ARHGAP35: variants seen among roughly 807,000 people sequenced by gnomAD.
ARHGAP35 encodes the protein Rho GTPase activating protein 35.
Under a neutral mutation model 111.1 loss-of-function variants are expected in ARHGAP35, and 15 were observed. The observed-to-expected ratio is 0.13, with a 90% CI of 0.09 to 0.21. ARHGAP35 has a LOEUF of 0.21. Among genes scored for constraint, ARHGAP35 ranks in the 10% least tolerant of loss-of-function variants. The pLI is 1.00. For missense variants in ARHGAP35, 1,262 were observed against 1,873.0 expected (o/e 0.67, Z 6.02); for synonymous variants, 643 against 710.3 (o/e 0.91, Z 1.51).
At chr19:46,903,066 A>G (rs2056089591) in intron 1 of ARHGAP35, among the ~76,000 whole-genome samples, 1 of 152,192 alleles carries the variant, frequency 6.6e-6, no homozygotes, top group Non-Finnish European at 1.5e-5. Context: ...AGGCTCTGAC[A>G]GGCTCTCTTA....
At chr19:46,913,968 C>T (rs1280823672) in intron 1 of ARHGAP35, among the ~76,000 whole-genome samples, 2 of 152,154 alleles carry the variant, frequency 1.3e-5, no homozygotes, top group African/African-American at 4.8e-5. Context: ...GCCTTCAGAT[C>T]ATTAAATTTA....
chr19:46,874,858 C>T (rs1029484666), intron 1 of ARHGAP35, among the ~76,000 whole-genome samples: 1 of 128,984 alleles, frequency 7.8e-6, no homozygotes, highest in Non-Finnish European at 1.6e-5. Flanking sequence ...TTTGCCCAGG[C>T]TGGAGTGCAA....
At chr19:46,865,226 G>C (rs548692548) in intron 1 of ARHGAP35, among the ~76,000 whole-genome samples, 2 of 152,126 alleles carry the variant, frequency 1.3e-5, no homozygotes, top group Non-Finnish European at 2.9e-5. Flanking sequence ...AGGAGATGGC[G>C]GTAGACAACT....
At chr19:46,909,144 A>T (rs896431241) in intron 1 of ARHGAP35, among the ~76,000 whole-genome samples, 1 of 152,060 alleles carries the variant, frequency 6.6e-6, no homozygotes, top group Non-Finnish European at 1.5e-5. Context: ...TACAAAAAAA[A>T]TTTTAAAAAT....
intron 3 of ARHGAP35, among the ~76,000 whole-genome samples, chr19:46,959,111 C>T (rs2056460930): frequency 6.6e-6 from 1 of 152,158 alleles, no homozygotes; most frequent in Non-Finnish European, 1.5e-5. Context: ...CAAGGTTTTA[C>T]TTCACTGCCC....
intron 1 of ARHGAP35, among the ~76,000 whole-genome samples, chr19:46,874,420 T>C (rs1224168252): frequency 6.6e-6 from 1 of 152,112 alleles, no homozygotes; most frequent in Non-Finnish European, 1.5e-5. Flanking sequence ...CAAGAATGCA[T>C]TGACTAGGAA....
At chr19:46,880,827 T>G (rs1195131633) in intron 1 of ARHGAP35, among the ~76,000 whole-genome samples, 1 of 151,840 alleles carries the variant, frequency 6.6e-6, no homozygotes, top group East Asian at 1.9e-4. Context: ...AGGCACATGC[T>G]GCCATGCTGG....
At chr19:46,915,226 C>A (rs998132693) in intron 1 of ARHGAP35, among the ~76,000 whole-genome samples, 1 of 152,152 alleles carries the variant, frequency 6.6e-6, no homozygotes, top group Non-Finnish European at 1.5e-5. Context: ...TGTAAGCAAT[C>A]GCCTAGAAAA....
At chr19:46,866,417 A>G (rs2055857422) in intron 1 of ARHGAP35, among the ~76,000 whole-genome samples, 2 of 152,160 alleles carry the variant, frequency 1.3e-5, no homozygotes, top group Admixed American at 6.5e-5. Flanking sequence ...ACAGCAGAAA[A>G]GTACTGGATT....
At chr19:46,976,938 C>T (rs997755264) in intron 3 of ARHGAP35, among the ~76,000 whole-genome samples, 4 of 152,204 alleles carry the variant, frequency 2.6e-5, no homozygotes, top group African/African-American at 9.7e-5. Context: ...ATCCCCATGC[C>T]TCTATAACCC....
chr19:46,907,859 C>T (rs1189892143), intron 1 of ARHGAP35, among the ~76,000 whole-genome samples: 1 of 152,114 alleles, frequency 6.6e-6, no homozygotes, highest in Non-Finnish European at 1.5e-5. Flanking sequence ...AAAGGATATA[C>T]ATGTGGTATA....
Position 47,000,051 on chromosome 19 carries a change from G to A in ARHGAP35, c.4143-280G>A, listed in dbSNP as rs2056737436. ...AGCACCGCCACTGCTTTGGCTGGCTGCAGAGTGAGTCCCTGAGGTGGTCCA... is the reference window on the plus strand; with the variant it reads ...AGCACCGCCACTGCTTTGGCTGGCTACAGAGTGAGTCCCTGAGGTGGTCCA... On this transcript the variant is annotated intron_variant, in intron 6 of 6. Transcript: ENST00000672722. This position sits in a 1 kb window ranked among gnomAD's most constrained non-coding sequence, Gnocchi z 6.9. Among the ~76,000 whole-genome samples the A allele has an allele frequency of 6.6e-6, 1 of 152,198 alleles. No individual in the cohort carries two copies. The highest frequency in any genetic ancestry group is 6.5e-5 in the Admixed American group (1 of 15,284).
chr19:46,879,301 A>C (rs2055944583), intron 1 of ARHGAP35, among the ~76,000 whole-genome samples: 1 of 152,032 alleles, frequency 6.6e-6, no homozygotes, highest in African/African-American at 2.4e-5. Flanking sequence ...CTAAAAATAC[A>C]AAAATGGCCA....
chr19:46,983,905 G>A (rs2056635018), intron 3 of ARHGAP35, among the ~76,000 whole-genome samples: 1 of 152,122 alleles, frequency 6.6e-6, no homozygotes, highest in Non-Finnish European at 1.5e-5. Flanking sequence ...ATGAGCCACT[G>A]CACCCAGCCT....
chr19:46,987,880 G>C (rs926001359), intron 3 of ARHGAP35, 109 bp from the exon 4 acceptor site: 30 of 994,856 alleles, frequency 3.0e-5, no homozygotes, highest in Middle Eastern at 2.1e-4. Flanking sequence ...CTCTCTTGTG[G>C]TGGGCACCTC....
At chr19:46,868,364 A>G (rs184085209) in intron 1 of ARHGAP35, among the ~76,000 whole-genome samples, 2 of 152,162 alleles carry the variant, frequency 1.3e-5, no homozygotes, top group African/African-American at 4.8e-5. Flanking sequence ...TTTATGGTCA[A>G]TTGTAAACAA....
chr19:46,861,354 A>G (rs901062315), intron 1 of ARHGAP35, among the ~76,000 whole-genome samples, 145 bp downstream of exon 1: 2 of 64,144 alleles, frequency 3.1e-5, no homozygotes, highest in Non-Finnish European at 6.2e-5. Flanking sequence ...CCCCCCCCCC[A>G]GCCCCCCGGG....
chr19:46,879,959 G>T (rs1215834459), intron 1 of ARHGAP35, among the ~76,000 whole-genome samples: 1 of 151,222 alleles, frequency 6.6e-6, no homozygotes, highest in Non-Finnish European at 1.5e-5. Context: ...GGTGGTATAT[G>T]CCTGTAATCC....
At position 46,992,727 on chromosome 19, in the gene ARHGAP35, TTTTAA is replaced by T. The variant is rs2122347692; in HGVS notation, c.4036+3058_4036+3062del. 6.6e-6 allele frequency among the ~76,000 whole-genome samples: 1 copy of T among 152,320 alleles called. No individual in the cohort carries two copies. The highest frequency in any genetic ancestry group is 1.9e-4 in the East Asian group (1 of 5,180). Reference sequence around the variant, plus strand: ...TGTAATAGCTCACAAAATTCAGTCTTTTTAATTTAAGGAGAGACCAGTCATTTTCA... The same window carrying T: ...TGTAATAGCTCACAAAATTCAGTCTTTTTAAGGAGAGACCAGTCATTTTCA... On this transcript the variant is annotated intron_variant, in intron 5 of 6. Transcript: ENST00000672722. This position sits in a 1 kb window ranked among gnomAD's most constrained non-coding sequence, Gnocchi z 4.4.
Sources: allele counts gnomAD v4.1 joint callset (sites outside exome capture counted in the v4.1 genomes callset), GRCh38; gene constraint gnomAD v4.1.1; non-coding constraint Gnocchi (gnomAD v3.1); transcripts MANE v1.5; gene names NCBI Gene and HGNC (gene_info 2026-07-23, HGNC 2026-07-21).